Variants in MRPL13 observed in about 807,000 individuals in gnomAD.
The protein encoded by MRPL13 is mitochondrial ribosomal protein L13.
MRPL13 carries 33 observed loss-of-function variants against 29.0 expected under a neutral mutation model. That is an observed-to-expected ratio of 1.14 (90% confidence interval 0.86 to 1.52). MRPL13 has a LOEUF of 1.52. Ranked by LOEUF, MRPL13 falls within the 40% of genes most tolerant of loss-of-function variation. The probability of loss-of-function intolerance (pLI) is 0.00; values close to 1 mark genes in which losing one functional copy is unlikely to be tolerated. For synonymous variants in MRPL13, 77 were observed against 68.4 expected, an observed-to-expected ratio of 1.13 and a Z score of -0.62; for missense variants, 227 against 216.7, an observed-to-expected ratio of 1.05 and a Z score of -0.30.
chr8:120,440,299 CA>C (rs1813102844), intron 2 of MRPL13, among the ~76,000 whole-genome samples: 1 of 152,228 alleles, frequency 6.6e-6, no homozygotes, highest in East Asian at 1.9e-4. Flanking sequence ...AATATCTAGG[CA>C]GAGGGAACAG....
At chr8:120,444,592 C>T (rs976968126) in intron 1 of MRPL13, among the ~76,000 whole-genome samples, 3 of 152,102 alleles carry the variant, frequency 2.0e-5, no homozygotes, top group Non-Finnish European at 4.4e-5. Flanking sequence ...TACTGTAACA[C>T]CCTCCAAACA....
rs553960789 is a variant in MRPL13 at position 120,429,986 on chromosome 8, G to A, written c.245+2044C>T. On this transcript the variant is annotated intron_variant, in intron 3 of 6. Coordinates refer to ENST00000306185, the MANE Select transcript of MRPL13 (RefSeq NM_014078.6). The stretch of plus-strand genomic sequence containing the variant: ...TAAATAGAAAAAAATTACACGCCGG[G>A]TGCAGTGGCTCACGCCTGTAATCAC... 5.3e-5 allele frequency among the ~76,000 whole-genome samples: 8 copies of A among 152,284 alleles called. No individual in the cohort carries two copies. In the East Asian group the frequency reaches 1.5e-3, roughly 29 times the overall value.
At chr8:120,405,490 ATTG>A (rs1812655960) in intron 6 of MRPL13, among the ~76,000 whole-genome samples, 2 of 152,222 alleles carry the variant, frequency 1.3e-5, no homozygotes, top group Non-Finnish European at 2.9e-5. Flanking sequence ...CACTTGATGC[ATTG>A]CTGGTTTATG....
In MRPL13 at chr8:120,440,597, T is replaced by G. The variant is rs1321751250; in HGVS notation, c.151+2588A>C. Among the ~76,000 whole-genome samples, 3 of 113,220 alleles carry G rather than the reference T, an allele frequency of 2.6e-5. No individual in the cohort carries two copies. The South Asian group carries it at 9.1e-4, about 34-fold the overall frequency. 74.3% of individuals were successfully genotyped at this position (113,220 alleles called of 152,430 possible). On this transcript the variant is annotated intron_variant, in intron 2 of 6. Transcript: ENST00000306185. ...TCTAGCCTGGGCAACAAAGTGAGAC[T>G]CTCTCTCTCTCAAAAAAAAAAAAAA...
intron 3 of MRPL13, among the ~76,000 whole-genome samples, chr8:120,430,921 T>C (rs1193831541): frequency 6.6e-6 from 1 of 152,236 alleles, no homozygotes; most frequent in Non-Finnish European, 1.5e-5. Flanking sequence ...TTTATGCTTT[T>C]ATCACATTAT....
chr8:120,406,201 TAA>T (rs1401886027), intron 6 of MRPL13, among the ~76,000 whole-genome samples: 4 of 152,220 alleles, frequency 2.6e-5, no homozygotes, highest in South Asian at 2.1e-4. Flanking sequence ...GACAGAAATA[TAA>T]GTTGTATTTT....
At chr8:120,443,331 A>G (rs1222133999) in intron 1 of MRPL13, 23 bp from the exon 2 acceptor site, 1 of 1,536,950 alleles carries the variant, frequency 6.5e-7, no homozygotes, top group East Asian at 2.3e-5. Context: ...AAAAAAAAAA[A>G]AGAAGAGGAA....
chr8:120,433,772 C>T (rs1473744350), intron 2 of MRPL13, among the ~76,000 whole-genome samples: 3 of 152,076 alleles, frequency 2.0e-5, no homozygotes, highest in Admixed American at 6.6e-5. Context: ...ACACTAAAGT[C>T]AGTATTACTG....
chr8:120,443,129 T>G (rs1240821763), intron 2 of MRPL13, 56 bp downstream of exon 2: 1 of 1,398,586 alleles, frequency 7.2e-7, no homozygotes, highest in Non-Finnish European at 9.4e-7. Context: ...TTCATCAAGA[T>G]TCTATTCTGG....
intron 3 of MRPL13, among the ~76,000 whole-genome samples, chr8:120,428,851 G>A (rs1004314170): frequency 3.3e-5 from 5 of 152,066 alleles, no homozygotes; most frequent in Admixed American, 3.3e-4. Context: ...TGGCAAGGCT[G>A]TAGAGAAAAA....
At chr8:120,444,927 T>C in intron 1 of MRPL13, 141 bp downstream of exon 1, 2 of 963,502 alleles carry the variant, frequency 2.1e-6, no homozygotes, top group Non-Finnish European at 3.2e-6. Context: ...CTGACGACCC[T>C]CTTGTGCTTT....
chr8:120,440,764 C>G (rs1263086629), intron 2 of MRPL13, among the ~76,000 whole-genome samples: 1 of 151,510 alleles, frequency 6.6e-6, no homozygotes, highest in East Asian at 1.9e-4. Context: ...AGAAAGGTAA[C>G]AGGGACCATA....
At chr8:120,412,958 A>G (rs1812756007) in intron 6 of MRPL13, among the ~76,000 whole-genome samples, 1 of 152,156 alleles carries the variant, frequency 6.6e-6, no homozygotes, top group African/African-American at 2.4e-5. Flanking sequence ...AATTGTACTG[A>G]CTCACTAGAT....
intron 4 of MRPL13, among the ~76,000 whole-genome samples, chr8:120,424,506 C>T (rs1251682241): frequency 6.6e-6 from 1 of 151,970 alleles, no homozygotes; most frequent in Non-Finnish European, 1.5e-5. Context: ...TGGCTCTCGC[C>T]TGTAATCCCA....
intron 5 of MRPL13, among the ~76,000 whole-genome samples, chr8:120,418,414 T>C (rs554946990): frequency 3.9e-5 from 6 of 152,094 alleles, no homozygotes; most frequent in Admixed American, 1.3e-4. Flanking sequence ...GATGTATGTA[T>C]TTTCATTATA....
intron 6 of MRPL13, among the ~76,000 whole-genome samples, chr8:120,398,476 C>T (rs1004411530): frequency 2.6e-5 from 4 of 152,104 alleles, no homozygotes; most frequent in African/African-American, 9.7e-5. Context: ...ACAAAAAAGA[C>T]CCCACAAAAC....
At chr8:120,415,221 A>G (rs1376228373) in intron 5 of MRPL13, 1 of 152,220 alleles carries the variant, frequency 6.6e-6, no homozygotes, top group Non-Finnish European at 1.5e-5. Context: ...CTCTTTTTAA[A>G]TAACGGTAAG....
chr8:120,426,228 G>A (rs1042976077), intron 3 of MRPL13, among the ~76,000 whole-genome samples: 1 of 152,020 alleles, frequency 6.6e-6, no homozygotes, highest in Admixed American at 6.6e-5. Flanking sequence ...TCAAGAAAGG[G>A]GGAAGAAATT....
intron 2 of MRPL13, among the ~76,000 whole-genome samples, chr8:120,438,816 G>A (rs1050797276): frequency 2.0e-5 from 3 of 152,140 alleles, no homozygotes; most frequent in African/African-American, 4.8e-5. Context: ...TAGTTTACTC[G>A]ACTGTCAATG....
Sources: gnomAD v4.1 joint callset for allele counts (sites outside exome capture counted in the v4.1 genomes callset) on GRCh38, gnomAD v4.1.1 for gene constraint, MANE v1.5 for transcripts, NCBI Gene and HGNC (gene_info 2026-07-23, HGNC 2026-07-21) for gene names.